TCF7L2: variants seen among roughly 807,000 people sequenced by gnomAD.
TCF7L2 encodes the protein transcription factor 7 like 2.
Under a neutral mutation model 77.9 loss-of-function variants are expected in TCF7L2, and 23 were observed. The ratio of observed to expected loss-of-function variants is 0.30; its 90% CI spans 0.21 to 0.42. The LOEUF (loss-of-function observed/expected upper bound fraction) is 0.42, where lower values mean the gene tolerates loss of function less well. Ranked by LOEUF, TCF7L2 falls within the 10% of genes least tolerant of loss-of-function variation. TCF7L2 has a pLI of 1.00. For missense variants in TCF7L2, 654 were observed against 793.1 expected (o/e 0.82, Z 2.11); for synonymous variants, 413 against 340.2 (o/e 1.21, Z -2.36).
intron 4 of TCF7L2, among the ~76,000 whole-genome samples, chr10:113,005,258 G>A (rs1238533670): frequency 1.3e-5 from 2 of 152,160 alleles, no homozygotes; most frequent in African/African-American, 4.8e-5. Flanking sequence ...GCCCTCCCAC[G>A]ATCCCGTCAG....
intron 5 of TCF7L2, among the ~76,000 whole-genome samples, chr10:113,055,185 A>G (rs1269335059): frequency 1.3e-5 from 2 of 152,210 alleles, no homozygotes; most frequent in African/African-American, 4.8e-5. Context: ...TTCACATGCT[A>G]TTGTCAAGCT....
intron 4 of TCF7L2, among the ~76,000 whole-genome samples, chr10:112,964,940 C>T (rs1179177954): frequency 3.9e-5 from 6 of 151,930 alleles, no homozygotes; most frequent in East Asian, 1.9e-4. Context: ...GTTTCTTGAC[C>T]GGGCATAATG....
At chr10:113,076,769 A>G (rs905690440) in intron 5 of TCF7L2, among the ~76,000 whole-genome samples, 2 of 152,204 alleles carry the variant, frequency 1.3e-5, no homozygotes, top group Admixed American at 6.5e-5. Context: ...GGGAAAATCC[A>G]TAGCAAGCTG....
chr10:113,069,116 G>T (rs555307922), intron 5 of TCF7L2, among the ~76,000 whole-genome samples: 1 of 151,974 alleles, frequency 6.6e-6, no homozygotes, highest in African/African-American at 2.4e-5. Context: ...AGGGCTGGCC[G>T]TCTCTTGGAG....
intron 5 of TCF7L2, chr10:113,127,036 G>A (rs2065761698): frequency 1.6e-6 from 1 of 636,520 alleles, no homozygotes; most frequent in Admixed American, 6.3e-5. Context: ...TAACTTTCAG[G>A]TTGATGTACC....
chr10:112,974,072 T>G (rs1256034506), intron 4 of TCF7L2, among the ~76,000 whole-genome samples: 1 of 152,246 alleles, frequency 6.6e-6, no homozygotes, highest in Non-Finnish European at 1.5e-5. Context: ...AACACGGCTT[T>G]CTTTCTATCT....
intron 12 of TCF7L2, 82 bp from the exon 14 acceptor site, chr10:113,159,838 C>G (rs1339300003): frequency 2.2e-5 from 3 of 133,452 alleles, no homozygotes; most frequent in Non-Finnish European, 3.9e-5. Context: ...CTTCCCCCCC[C>G]CCCCCCCTCT....
intron 5 of TCF7L2, among the ~76,000 whole-genome samples, chr10:113,088,305 G>A (rs1194352430): frequency 1.3e-5 from 2 of 152,070 alleles, no homozygotes; most frequent in Non-Finnish European, 2.9e-5. Context: ...TGAGTTGACT[G>A]GGACCTGAGC....
intron 5 of TCF7L2, among the ~76,000 whole-genome samples, chr10:113,093,914 G>A (rs1392942448): frequency 1.3e-5 from 2 of 152,124 alleles, no homozygotes; most frequent in Non-Finnish European, 2.9e-5. Flanking sequence ...AAAGTTCATT[G>A]TCCAAAGCCT....
intron 5 of TCF7L2, among the ~76,000 whole-genome samples, chr10:113,047,025 T>C (rs527623917): frequency 6.6e-6 from 1 of 152,250 alleles, no homozygotes; most frequent in East Asian, 1.9e-4. Context: ...CACATAACAG[T>C]CCATAATATG....
At chr10:113,124,483 TATC>T (rs1481892922) in intron 5 of TCF7L2, among the ~76,000 whole-genome samples, 4 of 152,122 alleles carry the variant, frequency 2.6e-5, no homozygotes, top group East Asian at 1.9e-4. Flanking sequence ...GGGGTGGAAA[TATC>T]ATCTCGAAGA....
chr10:113,064,812 C>T (rs1266393557), intron 5 of TCF7L2, among the ~76,000 whole-genome samples: 3 of 152,192 alleles, frequency 2.0e-5, no homozygotes, highest in Non-Finnish European at 4.4e-5. Flanking sequence ...AATATTTTGT[C>T]ATTCCCAAAA....
rs557178299 is a variant in TCF7L2, at chr10:113,083,637, G to A, written c.552+43511G>A. On this transcript the variant is annotated intron_variant, in intron 5 of 13. Transcript: ENST00000627217. ...AGACCTTACCTGTCTCCAAGGTTAC[G>A]CGTGTGTACGTGGGGTTGGCTGGTT... is the stretch of plus-strand genomic sequence containing the variant. 9.8e-5 allele frequency among the ~76,000 whole-genome samples: 15 copies of A among 152,296 alleles called. No homozygotes were observed. In the South Asian group the frequency reaches 2.9e-3, roughly 29 times the overall value.
chr10:112,953,256 C>G (rs560822326), intron 3 of TCF7L2, among the ~76,000 whole-genome samples: 28 of 152,266 alleles, frequency 1.8e-4, no homozygotes, highest in African/African-American at 5.5e-4. Context: ...TTATTCCCCC[C>G]CTGCCCGGCG....
chr10:113,014,737 G>C (rs1226566603), intron 4 of TCF7L2, among the ~76,000 whole-genome samples: 2 of 152,184 alleles, frequency 1.3e-5, no homozygotes, highest in African/African-American at 2.4e-5. Flanking sequence ...AGTGAGCCAA[G>C]ATTGTGCCAC....
chr10:113,162,793 T>C (rs1357840050), intron 13 of TCF7L2, among the ~76,000 whole-genome samples: 2 of 152,188 alleles, frequency 1.3e-5, no homozygotes, highest in Admixed American at 6.5e-5. Context: ...AGGATGCTAT[T>C]CCAAAACAGG....
chr10:113,161,373 G>C, intron 13 of TCF7L2: 2 of 601,340 alleles, frequency 3.3e-6, no homozygotes, highest in Non-Finnish European at 5.9e-6. Flanking sequence ...ATGTAGCATT[G>C]GTTCCAAAAG....
At chr10:113,143,060 A>G (rs1209914240) in intron 6 of TCF7L2, among the ~76,000 whole-genome samples, 1 of 152,212 alleles carries the variant, frequency 6.6e-6, no homozygotes. Flanking sequence ...CTCTGTTTTA[A>G]TTCTGTGGTA....
At chr10:112,966,184 T>TA (rs2036754580) in intron 4 of TCF7L2, among the ~76,000 whole-genome samples, 9 of 114,232 alleles carry the variant, frequency 7.9e-5, no homozygotes, top group East Asian at 2.3e-4. Context: ...TAAAATATAT[T>TA]TATATATATA....
Sources: allele counts gnomAD v4.1 joint callset (sites outside exome capture counted in the v4.1 genomes callset), GRCh38; gene constraint gnomAD v4.1.1; transcripts MANE v1.5; gene names NCBI Gene and HGNC (gene_info 2026-07-23, HGNC 2026-07-21).